The following CCNY variants were observed in gnomAD, a reference collection of about 807,000 sequenced individuals.
CCNY encodes the protein cyclin Y.
In CCNY, 19 loss-of-function variants were observed where a neutral mutation model predicts 42.8. That is an observed-to-expected ratio of 0.44 (90% confidence interval 0.31 to 0.65). CCNY has a LOEUF of 0.65. Ranked by LOEUF, CCNY falls within the 30% of genes least tolerant of loss-of-function variation. The pLI, the probability that CCNY is intolerant of heterozygous loss-of-function variation, is 0.07. For synonymous variants in CCNY, 165 were observed against 162.7 expected, an observed-to-expected ratio of 1.01 and a Z score of -0.11; for missense variants, 370 against 437.3, an observed-to-expected ratio of 0.85 and a Z score of 1.37.
intron 3 of CCNY, among the ~76,000 whole-genome samples, chr10:35,513,206 A>T (rs911232166): frequency 6.6e-6 from 1 of 152,174 alleles, no homozygotes; most frequent in South Asian, 2.1e-4. Flanking sequence ...CTGCATATTC[A>T]TAGCTTAATC....
chr10:35,341,907 G>T (rs1167427990), intron 1 of CCNY, among the ~76,000 whole-genome samples: 1 of 152,084 alleles, frequency 6.6e-6, no homozygotes, highest in South Asian at 2.1e-4. Context: ...TTCTTTCAAC[G>T]AATGACTTTA....
chr10:35,443,322 T>C (rs1013703751), intron 1 of CCNY, among the ~76,000 whole-genome samples: 1 of 152,266 alleles, frequency 6.6e-6, no homozygotes, highest in African/African-American at 2.4e-5. Context: ...TTTAAAACTT[T>C]TTGACTTTTG....
chr10:35,409,472 G>A (rs955289579), intron 1 of CCNY, among the ~76,000 whole-genome samples: 2 of 152,194 alleles, frequency 1.3e-5, no homozygotes, highest in African/African-American at 2.4e-5. Flanking sequence ...TCATTGTGAA[G>A]TGACTGTAGG....
intron 1 of CCNY, chr10:35,455,542 C>T (rs1313235591): frequency 1.3e-5 from 2 of 152,204 alleles, no homozygotes. Flanking sequence ...GCAAGTGACC[C>T]TCTCTGAGTT....
At position 35,545,389 on chromosome 10, in the gene CCNY, G is replaced by A. The variant is rs145331513; in HGVS notation, c.580-7630G>A. Among the ~76,000 whole-genome samples, 40 of 152,322 alleles carry A rather than the reference G, an allele frequency of 2.6e-4. No individual in the cohort carries two copies. In the East Asian group the frequency reaches 5.8e-3, roughly 22 times the overall value. On this transcript the variant is annotated intron_variant, in intron 7 of 9. Coordinates refer to ENST00000374704, the MANE Select transcript of CCNY (RefSeq NM_145012.6). ...GAAGTCCGAAATCAAGGCACTGGCC[G>A]GGTTAGTTCCAAGGGCTGTGAGGGA... is the stretch of plus-strand genomic sequence containing the variant.
At chr10:35,307,858 C>T (rs1409383167) in intron 3 of CCNY, among the ~76,000 whole-genome samples, 1 of 142,064 alleles carries the variant, frequency 7.0e-6, no homozygotes, top group Non-Finnish European at 1.5e-5. Context: ...TGCTCTGCTG[C>T]CCAGGCTGGA....
chr10:35,428,738 AG>A (rs1347651936), intron 1 of CCNY, among the ~76,000 whole-genome samples: 1 of 151,920 alleles, frequency 6.6e-6, no homozygotes, highest in Non-Finnish European at 1.5e-5. Flanking sequence ...AGTGAAGAGA[AG>A]TGATGTGTTT....
chr10:35,421,743 T>A (rs1289943672), intron 1 of CCNY, among the ~76,000 whole-genome samples: 1 of 152,182 alleles, frequency 6.6e-6, no homozygotes, highest in Non-Finnish European at 1.5e-5. Flanking sequence ...ATCCTGCTTG[T>A]TTTCACTTAC....
chr10:35,529,107 T>C (rs528042909), intron 5 of CCNY, among the ~76,000 whole-genome samples: 1 of 152,222 alleles, frequency 6.6e-6, no homozygotes, highest in South Asian at 2.1e-4. Flanking sequence ...GCTACCTCTT[T>C]AAGTGGTTCT....
intron 1 of CCNY, among the ~76,000 whole-genome samples, chr10:35,481,574 C>T (rs935049006): frequency 6.6e-6 from 1 of 152,132 alleles, no homozygotes; most frequent in Admixed American, 6.5e-5. Context: ...AGGTAGTAGT[C>T]GCTAGTCCAG....
intron 1 of CCNY, among the ~76,000 whole-genome samples, chr10:35,370,355 G>A (rs1402379258): frequency 6.6e-6 from 1 of 152,026 alleles, no homozygotes; most frequent in Non-Finnish European, 1.5e-5. Flanking sequence ...GTTTCACCGT[G>A]TTAGCCAGGA....
intron 3 of CCNY, among the ~76,000 whole-genome samples, chr10:35,277,382 C>T (rs755701662): frequency 1.3e-5 from 2 of 152,194 alleles, no homozygotes; most frequent in Non-Finnish European, 2.9e-5. Flanking sequence ...TCTCAAGTCT[C>T]AGGGTCACAC....
intron 1 of CCNY, among the ~76,000 whole-genome samples, chr10:35,395,532 G>C (rs1333027716): frequency 6.6e-6 from 1 of 152,114 alleles, no homozygotes; most frequent in Admixed American, 6.5e-5. Context: ...GTCACCTGGG[G>C]GGTTGTGGGG....
At chr10:35,465,936 AGAGTGTGT>A (rs1310392955) in intron 1 of CCNY, among the ~76,000 whole-genome samples, 2 of 117,600 alleles carry the variant, frequency 1.7e-5, no homozygotes, top group African/African-American at 6.7e-5. Context: ...AGAGAGAGAG[AGAGTGTGT>A]GTGTGTGTGT....
intron 2 of CCNY, among the ~76,000 whole-genome samples, chr10:35,492,992 AT>A (rs1351909098): frequency 6.6e-6 from 1 of 151,586 alleles, no homozygotes; most frequent in Non-Finnish European, 1.5e-5. Flanking sequence ...CTTGAGGTGC[AT>A]GGGGGGGGGA....
chr10:35,373,958 T>C (rs2135179784), intron 1 of CCNY, among the ~76,000 whole-genome samples: 1 of 151,380 alleles, frequency 6.6e-6, no homozygotes. Flanking sequence ...AAATAACTTT[T>C]TTCATGTTAA....
intron 1 of CCNY, among the ~76,000 whole-genome samples, chr10:35,370,780 A>G (rs979133726): frequency 6.6e-6 from 1 of 151,374 alleles, no homozygotes; most frequent in Non-Finnish European, 1.5e-5. Flanking sequence ...CAGTGGGGCC[A>G]TCTTGGCTCA....
chr10:35,429,130 G>A (rs1268349368), intron 1 of CCNY, among the ~76,000 whole-genome samples: 1 of 152,182 alleles, frequency 6.6e-6, no homozygotes, highest in Non-Finnish European at 1.5e-5. Context: ...GTAGTGAAGT[G>A]TATTCTTTGA....
intron 2 of CCNY, among the ~76,000 whole-genome samples, chr10:35,498,759 G>A (rs1358887274): frequency 6.6e-6 from 1 of 152,180 alleles, no homozygotes; most frequent in Non-Finnish European, 1.5e-5. Context: ...AATCTTCTCA[G>A]AAACTGTGCA....
Sources: allele counts gnomAD v4.1 joint callset (sites outside exome capture counted in the v4.1 genomes callset), GRCh38; gene constraint gnomAD v4.1.1; transcripts MANE v1.5; gene names NCBI Gene and HGNC (gene_info 2026-07-23, HGNC 2026-07-21).